Variants in AGAP1 observed in about 807,000 individuals in gnomAD.
AGAP1 encodes ArfGAP with GTPase domain, ankyrin repeat and PH domain 1.
A neutral mutation model predicts 105.3 loss-of-function variants in AGAP1; 29 were observed. That is an observed-to-expected ratio of 0.28 (90% CI 0.21 to 0.38). AGAP1 has a LOEUF of 0.38. Among genes scored for constraint, AGAP1 ranks in the 10% least tolerant of loss-of-function variants. The probability of loss-of-function intolerance (pLI) is 1.00; values close to 1 mark genes in which losing one functional copy is unlikely to be tolerated. For synonymous variants in AGAP1, 509 were observed against 485.9 expected (o/e 1.05, Z -0.63); for missense variants, 998 against 1,165.1 (o/e 0.86, Z 2.09).
chr2:236,123,910 C>T lies in AGAP1; in HGVS notation c.2371-9C>T, dbSNP rs1412464927. ...CATGATACTAATGTGGGCTCCCTTA[C>T]CTCCGCAGTACGGAGTGGACGTCAC... On this transcript the variant is annotated splice_polypyrimidine_tract_variant and intron_variant, in intron 17 of 17. Coordinates refer to ENST00000304032, the MANE Select transcript of AGAP1 (RefSeq NM_001037131.3). The surrounding 1 kb of genome is among the most constrained non-coding windows in gnomAD (Gnocchi z 4.6). 1 of 1,612,292 alleles carries T rather than the reference C, an allele frequency of 6.2e-7. No individual in the cohort carries two copies. Among genetic ancestry groups the T allele is most frequent in the Non-Finnish European group, 8.5e-7 (1 of 1,179,840 alleles).
intron 6 of AGAP1, among the ~76,000 whole-genome samples, chr2:235,772,161 G>T (rs942404064): frequency 1.3e-4 from 18 of 137,726 alleles, no homozygotes; most frequent in African/African-American, 2.1e-4. Context: ...ACCATGCCTG[G>T]CTAATTTTTT....
intron 1 of AGAP1, among the ~76,000 whole-genome samples, chr2:235,573,054 C>CTTCTTCTTCTTCTTCT (rs1944613487): frequency 9.0e-5 from 2 of 22,188 alleles, no homozygotes; most frequent in Non-Finnish European, 1.5e-4. Context: ...TCTTCTTCTT[C>CTTCTTCTTCTTCTTCT]TTCTTCTTTC....
Position 236,056,807 on chromosome 2 carries a change from C to T in AGAP1, c.2114+7526C>T, listed in dbSNP as rs151125833. ...GACGTGTGCCAGGGTCACATGGGAG[C>T]GCAGGTCAGACTGCAGGCACCAAGA... On this transcript the variant is annotated intron_variant, in intron 16 of 17. Transcript: ENST00000304032. This position sits in a 1 kb window ranked among gnomAD's most constrained non-coding sequence, Gnocchi z 4.6. 1.1e-4 allele frequency among the ~76,000 whole-genome samples: 17 copies of T among 152,252 alleles called. No homozygotes were observed. Among genetic ancestry groups the T allele is most frequent in the Admixed American group, 1.0e-3 (16 of 15,304 alleles).
rs1407019943 is a variant in AGAP1, at chr2:235,717,589, T to G, written c.255T>G (p.Ser85=). 3.1e-6 allele frequency: 5 copies of G among 1,603,928 alleles called. No individual in the cohort carries two copies. In the East Asian group the frequency reaches 9.0e-5, roughly 29 times the overall value. ...TGGGTAACTTGGCCAGCGGCAAGTC[T>G]GCCCTGGTGCACCGGTACCTGACGG... ...GIVGNLASGK[S]ALVHRYLTGT... The change falls in exon 3 of 18, where the codon TCT becomes TCG. Residue 85 remains serine, a synonymous_variant. Coordinates refer to ENST00000304032, the MANE Select transcript of AGAP1 (RefSeq NM_001037131.3).
intron 9 of AGAP1, among the ~76,000 whole-genome samples, chr2:235,850,091 C>G (rs982744590): frequency 1.3e-5 from 2 of 152,198 alleles, no homozygotes; most frequent in African/African-American, 4.8e-5. Flanking sequence ...GTCCTGGCCC[C>G]AGGGCTCTGC....
chr2:235,766,568 C>T (rs1281434367), intron 6 of AGAP1, among the ~76,000 whole-genome samples: 1 of 152,070 alleles, frequency 6.6e-6, no homozygotes, highest in East Asian at 1.9e-4. Context: ...CACACAAATG[C>T]AGAAGTAAAA....
At position 235,556,920 on chromosome 2, in the gene AGAP1, G is replaced by C. The variant is rs1269241099; in HGVS notation, c.163+62071G>C. Reference sequence around the variant, plus strand: ...AATGTAGAAGTCAAGTTTGAACTGAGGGCTGTCTTATTTTAAATCCAGGTT... The same window carrying C: ...AATGTAGAAGTCAAGTTTGAACTGACGGCTGTCTTATTTTAAATCCAGGTT... On this transcript the variant is annotated intron_variant, in intron 1 of 17. Transcript: ENST00000304032. The surrounding 1 kb of genome is among the most constrained non-coding windows in gnomAD (Gnocchi z 5.3). Among the ~76,000 whole-genome samples, 1 of 152,170 alleles carries C rather than the reference G, an allele frequency of 6.6e-6. No homozygotes were observed. Among genetic ancestry groups the C allele is most frequent in the Non-Finnish European group, 1.5e-5 (1 of 68,044 alleles).
rs150173699 is a variant in AGAP1 at position 235,557,908 on chromosome 2, C to T, written c.163+63059C>T. On this transcript the variant is annotated intron_variant, in intron 1 of 17. Coordinates refer to ENST00000304032, the MANE Select transcript of AGAP1 (RefSeq NM_001037131.3). This position sits in a 1 kb window ranked among gnomAD's most constrained non-coding sequence, Gnocchi z 4.7. ...CCTATTGGTGCTTTCTTGAGCCCTG[C>T]GCCATGTGAGTGAGGTTTTGTGGTC... Among the ~76,000 whole-genome samples, 40 of 152,312 alleles carry T rather than the reference C, an allele frequency of 2.6e-4. 1 individual carries two copies. The highest frequency in any genetic ancestry group is 8.2e-4 in the African/African-American group (34 of 41,580).
Position 236,114,302 on chromosome 2 carries a change from T to C in AGAP1, c.2115-5890T>C, listed in dbSNP as rs2059718545. The stretch of plus-strand genomic sequence containing the variant: ...CGGCCTCCGAGTGACCATTTGAGTC[T>C]GTGTGCTTTGACATCATGGCTTCTT... On this transcript the variant is annotated intron_variant, in intron 16 of 17. Coordinates refer to ENST00000304032, the MANE Select transcript of AGAP1 (RefSeq NM_001037131.3). This position sits in a 1 kb window ranked among gnomAD's most constrained non-coding sequence, Gnocchi z 5.0. 6.6e-6 allele frequency among the ~76,000 whole-genome samples: 1 copy of C among 152,158 alleles called. No individual in the cohort carries two copies. Among genetic ancestry groups the C allele is most frequent in the African/African-American group, 2.4e-5 (1 of 41,436 alleles).
intron 13 of AGAP1, among the ~76,000 whole-genome samples, chr2:236,032,016 A>G (rs1260863456): frequency 2.0e-5 from 3 of 152,152 alleles, no homozygotes; most frequent in Admixed American, 6.5e-5. Flanking sequence ...TCTTCTCCCA[A>G]ACCTCACCTG....
chr2:235,997,774 C>T (rs2055882399), intron 13 of AGAP1, among the ~76,000 whole-genome samples: 1 of 152,142 alleles, frequency 6.6e-6, no homozygotes, highest in Non-Finnish European at 1.5e-5. Context: ...ATGGAAGGTT[C>T]TGGTCTGCCC....
At chr2:235,996,117 C>T (rs189486870) in intron 13 of AGAP1, among the ~76,000 whole-genome samples, 20 of 152,308 alleles carry the variant, frequency 1.3e-4, no homozygotes, top group African/African-American at 4.1e-4. Context: ...AACTGAGATA[C>T]GATAAATCAT....
Position 235,909,977 on chromosome 2 carries a change from C to T in AGAP1, c.1324+1071C>T, listed in dbSNP as rs542291561. On this transcript the variant is annotated intron_variant, in intron 11 of 17. Coordinates refer to ENST00000304032, the MANE Select transcript of AGAP1 (RefSeq NM_001037131.3). The stretch of plus-strand genomic sequence containing the variant: ...CAGAGGTTGCAGTGAGCCATGATTG[C>T]GCCACTGCACTCCAGCCTGGGTGAC... Among the ~76,000 whole-genome samples, 34 of 151,852 alleles carry T rather than the reference C, an allele frequency of 2.2e-4. 1 individual carries two copies. The highest frequency in any genetic ancestry group is 6.8e-4 in the African/African-American group (28 of 41,392).
Position 235,737,421 on chromosome 2 carries a change from A to G in AGAP1, c.311-3542A>G, listed in dbSNP as rs1280122708. ...AAGAGACCTTGCTGATGAGAGAAGGAATCACTGCTCCTTTTAGAGGCAATG... is the reference window on the plus strand; with the variant it reads ...AAGAGACCTTGCTGATGAGAGAAGGGATCACTGCTCCTTTTAGAGGCAATG... On this transcript the variant is annotated intron_variant, in intron 3 of 17. Coordinates refer to ENST00000304032, the MANE Select transcript of AGAP1 (RefSeq NM_001037131.3). This position sits in a 1 kb window ranked among gnomAD's most constrained non-coding sequence, Gnocchi z 4.5. Among the ~76,000 whole-genome samples the G allele has an allele frequency of 6.6e-6, 1 of 152,224 alleles. No individual in the cohort carries two copies.
intron 1 of AGAP1, among the ~76,000 whole-genome samples, chr2:235,698,997 C>A (rs147779696): frequency 3.8e-4 from 58 of 152,190 alleles, no homozygotes; most frequent in Admixed American, 2.0e-3. Context: ...AGGGGAGCCC[C>A]GTGCCCATAC....
At chr2:235,571,397 T>C (rs1574870104) in intron 1 of AGAP1, among the ~76,000 whole-genome samples, 1 of 152,240 alleles carries the variant, frequency 6.6e-6, no homozygotes, top group Non-Finnish European at 1.5e-5. Context: ...TAAATTTAAG[T>C]GAAATGAAAG....
intron 16 of AGAP1, among the ~76,000 whole-genome samples, chr2:236,064,766 C>T (rs1197376231): frequency 1.3e-5 from 2 of 152,168 alleles, no homozygotes; most frequent in African/African-American, 2.4e-5. Context: ...GCCTCGCACC[C>T]TTCCTCGGAG....
intron 6 of AGAP1, chr2:235,775,779 A>G (rs1294136064): frequency 6.6e-6 from 1 of 152,200 alleles, no homozygotes; most frequent in Non-Finnish European, 1.5e-5. Context: ...TAATCAAAAC[A>G]TTGATTAATA....
intron 1 of AGAP1, among the ~76,000 whole-genome samples, chr2:235,514,783 A>C (rs16795): frequency 0.65 from 99,157 of 152,156 alleles, 32,378 homozygotes; most frequent in Admixed American, 0.71. Context: ...CTCATCCAGG[A>C]CTGGACACGT....
Sources: gnomAD v4.1 joint callset for allele counts (sites outside exome capture counted in the v4.1 genomes callset) on GRCh38, gnomAD v4.1.1 for gene constraint, Gnocchi (gnomAD v3.1) non-coding constraint, MANE v1.5 for transcripts, NCBI Gene and HGNC (gene_info 2026-07-23, HGNC 2026-07-21) for gene names.